PCDH15: variants seen among roughly 807,000 people sequenced by gnomAD.
The protein encoded by PCDH15 is protocadherin related 15.
A neutral mutation model predicts 178.5 loss-of-function variants in PCDH15; 129 were observed. The observed-to-expected ratio is 0.72, with a 90% confidence interval of 0.63 to 0.84. The LOEUF (loss-of-function observed/expected upper bound fraction) is 0.84, where lower values mean the gene tolerates loss of function less well. Among genes scored for constraint, PCDH15 ranks in the 40% least tolerant of loss-of-function variants. The pLI is 0.00. For synonymous variants in PCDH15, 800 were observed against 732.0 expected (o/e 1.09, Z -1.50); for missense variants, 2,230 against 2,099.9 (o/e 1.06, Z -1.21).
chr10:53,875,144 C>A (rs1340299287), intron 26 of PCDH15, among the ~76,000 whole-genome samples: 4 of 151,860 alleles, frequency 2.6e-5, no homozygotes, highest in Admixed American at 6.6e-5. Flanking sequence ...ACAGAATTTT[C>A]CAGAACTGAT....
chr10:55,326,777 TA>T (rs941010191), intron 2 of PCDH15, among the ~76,000 whole-genome samples: 1 of 151,532 alleles, frequency 6.6e-6, no homozygotes, highest in Non-Finnish European at 1.5e-5. Flanking sequence ...AGGTATACTG[TA>T]AAAAAAATTG....
intron 2 of PCDH15, among the ~76,000 whole-genome samples, chr10:55,374,124 A>ATAATAC (rs1845567930): frequency 6.8e-6 from 1 of 147,168 alleles, no homozygotes; most frequent in Non-Finnish European, 1.5e-5. Context: ...AATAATAATA[A>ATAATAC]AAGAATGGGC....
At chr10:54,700,115 C>T (rs2095289054) in intron 1 of PCDH15, among the ~76,000 whole-genome samples, 1 of 152,004 alleles carries the variant, frequency 6.6e-6, no homozygotes, top group African/African-American at 2.4e-5. Flanking sequence ...TAATCTTTGG[C>T]CCCCTGAGAT....
At chr10:54,557,095 C>G (rs1481775467) in intron 2 of PCDH15, among the ~76,000 whole-genome samples, 4 of 152,096 alleles carry the variant, frequency 2.6e-5, no homozygotes, top group African/African-American at 9.7e-5. Flanking sequence ...AGGCTACTCA[C>G]CTTGTCTAAG....
chr10:54,709,941 G>A (rs1408366359), intron 1 of PCDH15, among the ~76,000 whole-genome samples: 5 of 147,984 alleles, frequency 3.4e-5, no homozygotes, highest in Non-Finnish European at 7.4e-5. Context: ...ACACCTTTAT[G>A]TATATATATA....
At chr10:54,703,887 G>GTATTGGTAAAAA (rs1286325523) in intron 1 of PCDH15, among the ~76,000 whole-genome samples, 1 of 152,012 alleles carries the variant, frequency 6.6e-6, no homozygotes, top group East Asian at 1.9e-4. Flanking sequence ...AAACAGCATG[G>GTATTGGTAAAAA]TATTGGTAAA....
chr10:54,648,906 G>T (rs1459864919), intron 2 of PCDH15, among the ~76,000 whole-genome samples: 1 of 152,050 alleles, frequency 6.6e-6, no homozygotes, highest in Non-Finnish European at 1.5e-5. Context: ...ATAAAATATT[G>T]ATGACTGTGT....
chr10:54,968,719 T>A (rs1838858712), intron 2 of PCDH15, among the ~76,000 whole-genome samples: 1 of 152,168 alleles, frequency 6.6e-6, no homozygotes. Context: ...CATAAAATAC[T>A]TTCCCTTCCT....
chr10:54,572,905 C>T (rs2090010761), intron 2 of PCDH15, among the ~76,000 whole-genome samples: 1 of 152,072 alleles, frequency 6.6e-6, no homozygotes, highest in Non-Finnish European at 1.5e-5. Flanking sequence ...CTAAAAGAGG[C>T]AACTAAAAGC....
chr10:54,662,272 G>A (rs2094503345), intron 2 of PCDH15, among the ~76,000 whole-genome samples: 1 of 151,772 alleles, frequency 6.6e-6, no homozygotes, highest in African/African-American at 2.4e-5. Context: ...AAGAAGAAAT[G>A]GAAGTGACCA....
chr10:54,139,886 G>A (rs948879884), intron 14 of PCDH15, among the ~76,000 whole-genome samples: 1 of 152,022 alleles, frequency 6.6e-6, no homozygotes, highest in African/African-American at 2.4e-5. Flanking sequence ...TTTGTATGGT[G>A]AATGTTTGTC....
intron 3 of PCDH15, among the ~76,000 whole-genome samples, chr10:54,828,074 T>C (rs960713997): frequency 6.6e-6 from 1 of 152,058 alleles, no homozygotes; most frequent in African/African-American, 2.4e-5. Flanking sequence ...TGCTGTGGCT[T>C]ATCAACTACC....
At chr10:54,507,499 T>C (rs2081268687) in intron 3 of PCDH15, among the ~76,000 whole-genome samples, 1 of 151,812 alleles carries the variant, frequency 6.6e-6, no homozygotes, top group Admixed American at 6.6e-5. Flanking sequence ...CACAGTATGG[T>C]ATATGGAAAG....
intron 1 of PCDH15, among the ~76,000 whole-genome samples, chr10:54,694,781 A>G (rs1447833597): frequency 6.6e-6 from 1 of 152,066 alleles, no homozygotes; most frequent in African/African-American, 2.4e-5. Context: ...GAGGCACACA[A>G]TATTCAAATT....
intron 3 of PCDH15, among the ~76,000 whole-genome samples, chr10:54,407,781 C>A (rs1356956518): frequency 6.6e-6 from 1 of 152,016 alleles, no homozygotes. Flanking sequence ...GATGGCTGGG[C>A]GTGGTGGCTC....
intron 2 of PCDH15, among the ~76,000 whole-genome samples, chr10:54,943,518 G>A (rs1838113745): frequency 6.6e-6 from 1 of 151,866 alleles, no homozygotes; most frequent in African/African-American, 2.4e-5. Flanking sequence ...GAAAACATAT[G>A]GTTCTTATGA....
chr10:54,333,349 ATTAAAT>A (rs1940281762), intron 6 of PCDH15, among the ~76,000 whole-genome samples: 1 of 152,168 alleles, frequency 6.6e-6, no homozygotes, highest in African/African-American at 2.4e-5. Flanking sequence ...AAGCCACTGT[ATTAAAT>A]TTAATTTATT....
In PCDH15 at chr10:54,561,980, C is replaced by CTTTTTTTTT. The variant is rs575547228; in HGVS notation, c.92-34112_92-34104dup. 3.6e-4 allele frequency among the ~76,000 whole-genome samples: 27 copies of CTTTTTTTTT among 75,230 alleles called. 2 individuals carry two copies. The highest frequency in any genetic ancestry group is 7.5e-4 in the African/African-American group (11 of 14,736). 49.4% of individuals were successfully genotyped at this position (75,230 alleles called of 152,430 possible). A position where few individuals can be genotyped will look rare whatever the true frequency, so the allele number is the denominator to read the frequency against. On this transcript the variant is annotated intron_variant, in intron 2 of 37. Transcript: ENST00000644397. ...TACAGGCATGAGCCACCGCACCCAGCTTTTTTTTTTTTTTTTTTTTTTTTT... is the reference window on the plus strand; with the variant it reads ...TACAGGCATGAGCCACCGCACCCAGCTTTTTTTTTTTTTTTTTTTTTTTTTTTTTTTTTT...
intron 3 of PCDH15, among the ~76,000 whole-genome samples, chr10:54,489,735 T>C (rs1445504588): frequency 6.6e-6 from 1 of 152,180 alleles, no homozygotes; most frequent in Non-Finnish European, 1.5e-5. Context: ...AATACCCTTA[T>C]GACTAAATAT....
Sources: gnomAD v4.1 joint callset for allele counts (sites outside exome capture counted in the v4.1 genomes callset) on GRCh38, gnomAD v4.1.1 for gene constraint, MANE v1.5 for transcripts, NCBI Gene and HGNC (gene_info 2026-07-23, HGNC 2026-07-21) for gene names.